The following TAFA1 variants were observed in gnomAD, a reference collection of about 807,000 sequenced individuals.
The protein encoded by TAFA1 is chemokine-like protein TAFA-1.
Under a neutral mutation model 18.5 loss-of-function variants are expected in TAFA1, and 4 were observed. The observed-to-expected ratio is 0.22, with a 90% CI of 0.11 to 0.49. TAFA1 has a LOEUF of 0.49. Ranked by LOEUF, TAFA1 falls within the 20% of genes least tolerant of loss-of-function variation. TAFA1 has a pLI of 0.98. For missense variants in TAFA1, 147 were observed against 169.0 expected, an observed-to-expected ratio of 0.87 and a Z score of 0.72; for synonymous variants, 56 against 55.2, an observed-to-expected ratio of 1.01 and a Z score of -0.06.
intron 2 of TAFA1, among the ~76,000 whole-genome samples, chr3:68,294,919 C>T (rs2107285486): frequency 6.6e-6 from 1 of 152,294 alleles, no homozygotes; most frequent in East Asian, 1.9e-4. Flanking sequence ...CACACAGCCA[C>T]ATTTCATGTG....
chr3:68,032,577 C>G (rs1360287714), intron 2 of TAFA1, among the ~76,000 whole-genome samples: 1 of 152,174 alleles, frequency 6.6e-6, no homozygotes, highest in Non-Finnish European at 1.5e-5. Flanking sequence ...CTGTCCATAT[C>G]TCAGTCTGTG....
At chr3:68,249,062 G>A (rs1208871659) in intron 2 of TAFA1, among the ~76,000 whole-genome samples, 2 of 152,014 alleles carry the variant, frequency 1.3e-5, no homozygotes, top group African/African-American at 4.8e-5. Context: ...CTTGAACCTG[G>A]TGCCTTCCCT....
chr3:68,462,639 C>G (rs568611101), intron 3 of TAFA1, among the ~76,000 whole-genome samples: 13 of 152,190 alleles, frequency 8.5e-5, no homozygotes, highest in Non-Finnish European at 1.8e-4. Flanking sequence ...CTTTTCATTA[C>G]TTTATATCTG....
In TAFA1 at chr3:68,168,243, G is replaced by A. The variant is rs928428998; in HGVS notation, c.118+161499G>A. Among the ~76,000 whole-genome samples, 2 of 151,756 alleles carry A rather than the reference G, an allele frequency of 1.3e-5. 1 individual carries two copies. Among genetic ancestry groups the A allele is most frequent in the Non-Finnish European group, 2.9e-5 (2 of 67,964 alleles). On this transcript the variant is annotated intron_variant, in intron 2 of 4. Transcript: ENST00000478136. Reference sequence around the variant, plus strand: ...GGGTTCTATTCTTTCTAGCCCAGTGGCAATTGCTGTAATTACAGTGAAACT... The same window carrying A: ...GGGTTCTATTCTTTCTAGCCCAGTGACAATTGCTGTAATTACAGTGAAACT...
At chr3:68,370,843 G>C (rs1372277193) in intron 2 of TAFA1, among the ~76,000 whole-genome samples, 1 of 149,044 alleles carries the variant, frequency 6.7e-6, no homozygotes, top group Non-Finnish European at 1.5e-5. Context: ...GGAGTGCCAG[G>C]GAATAATCTA....
chr3:68,352,720 A>G (rs2069291732), intron 2 of TAFA1, among the ~76,000 whole-genome samples: 1 of 152,070 alleles, frequency 6.6e-6, no homozygotes, highest in South Asian at 2.1e-4. Flanking sequence ...TGCCACTGCC[A>G]CAGTGGGATG....
At chr3:68,184,910 C>T (rs180678837) in intron 2 of TAFA1, among the ~76,000 whole-genome samples, 35 of 152,224 alleles carry the variant, frequency 2.3e-4, no homozygotes, top group African/African-American at 7.9e-4. Context: ...CAAAAACACC[C>T]GGGATGTTTT....
chr3:68,177,134 GA>G (rs919193045), intron 2 of TAFA1, among the ~76,000 whole-genome samples: 48 of 152,142 alleles, frequency 3.2e-4, no homozygotes, highest in African/African-American at 1.1e-3. Flanking sequence ...GCAATTAAAA[GA>G]GAAAAGGAGT....
chr3:68,325,997 G>A (rs139523237), intron 2 of TAFA1, among the ~76,000 whole-genome samples: 192 of 152,254 alleles, frequency 1.3e-3, no homozygotes, highest in Non-Finnish European at 2.0e-3. Context: ...GGCAGCAGGT[G>A]TAAACACTTT....
At chr3:68,224,812 G>C (rs2066775822) in intron 2 of TAFA1, among the ~76,000 whole-genome samples, 1 of 151,712 alleles carries the variant, frequency 6.6e-6, no homozygotes, top group South Asian at 2.1e-4. Context: ...CTTTTAGTTG[G>C]GGAGGGGGTT....
intron 2 of TAFA1, among the ~76,000 whole-genome samples, chr3:68,178,130 C>T (rs772441771): frequency 8.0e-5 from 12 of 149,788 alleles, no homozygotes; most frequent in East Asian, 2.0e-4. Flanking sequence ...GGTGAGAGTG[C>T]GAGACTCCAT....
chr3:68,240,300 T>C (rs1253802360), intron 2 of TAFA1, among the ~76,000 whole-genome samples: 2 of 152,146 alleles, frequency 1.3e-5, no homozygotes, highest in Non-Finnish European at 2.9e-5. Flanking sequence ...TAACTAAGAA[T>C]GTACAAAATA....
At chr3:68,269,255 A>T (rs1253277511) in intron 2 of TAFA1, among the ~76,000 whole-genome samples, 1 of 152,080 alleles carries the variant, frequency 6.6e-6, no homozygotes, top group Non-Finnish European at 1.5e-5. Flanking sequence ...GGAGTTTGAG[A>T]CCAGCCTGAG....
In TAFA1 at chr3:68,273,447, C is replaced by T. The variant is rs574353501; in HGVS notation, c.119-143833C>T. On this transcript the variant is annotated intron_variant, in intron 2 of 4. Coordinates refer to ENST00000478136, the MANE Select transcript of TAFA1 (RefSeq NM_213609.4). The stretch of plus-strand genomic sequence containing the variant: ...AAAAATAAAATGTTTTATCTTATTT[C>T]ATCCTCATAACCCCATATGCTTTAG... Among the ~76,000 whole-genome samples the T allele has an allele frequency of 3.2e-4, 49 of 152,298 alleles. No homozygotes were observed. The South Asian group carries it at 9.7e-3, about 30-fold the overall frequency.
At chr3:68,199,435 A>T (rs1286287302) in intron 2 of TAFA1, among the ~76,000 whole-genome samples, 1 of 151,578 alleles carries the variant, frequency 6.6e-6, no homozygotes, top group Non-Finnish European at 1.5e-5. Context: ...CATTGAAATT[A>T]TAGATCAAGC....
At position 68,493,697 on chromosome 3, in the gene TAFA1, T is replaced by A. The variant is rs765925474; in HGVS notation, c.260-45059T>A. ...TAATGGATGTAAGAGGAAATTTGGT[T>A]TTTTAAACAAATAGCTTAGGTGATT... is the stretch of plus-strand genomic sequence containing the variant. On this transcript the variant is annotated intron_variant, in intron 3 of 4. Transcript: ENST00000478136. 1.2e-4 allele frequency among the ~76,000 whole-genome samples: 18 copies of A among 152,354 alleles called. 1 individual carries two copies. In the Middle Eastern group the frequency reaches 0.014, roughly 115 times the overall value.
intron 2 of TAFA1, among the ~76,000 whole-genome samples, chr3:68,355,697 G>A (rs1033514652): frequency 6.6e-6 from 1 of 151,942 alleles, no homozygotes; most frequent in Non-Finnish European, 1.5e-5. Flanking sequence ...ACTTTATGTA[G>A]CTCCAGGGAA....
At chr3:68,189,013 G>T (rs1392572712) in intron 2 of TAFA1, among the ~76,000 whole-genome samples, 1 of 151,800 alleles carries the variant, frequency 6.6e-6, no homozygotes. Context: ...CCAATTGGTG[G>T]TACACTAACG....
chr3:68,224,367 G>A (rs751104935), intron 2 of TAFA1, among the ~76,000 whole-genome samples: 1 of 152,052 alleles, frequency 6.6e-6, no homozygotes, highest in Admixed American at 6.6e-5. Flanking sequence ...CCACTCTGTA[G>A]GGCCCAGGCT....
Sources: allele counts gnomAD v4.1 joint callset (sites outside exome capture counted in the v4.1 genomes callset), GRCh38; gene constraint gnomAD v4.1.1; transcripts MANE v1.5; gene names NCBI Gene and HGNC (gene_info 2026-07-23, HGNC 2026-07-21).